Variants in ABR observed in about 807,000 individuals in gnomAD.
ABR encodes the protein ABR activator of RhoGEF and GTPase, also known as active breakpoint cluster region-related protein.
ABR carries 35 observed loss-of-function variants against 107.2 expected under a neutral mutation model. The observed-to-expected ratio is 0.33, with a 90% CI of 0.25 to 0.43. The LOEUF is 0.43. Among genes scored for constraint, ABR ranks in the 20% least tolerant of loss-of-function variants. The probability of loss-of-function intolerance (pLI) is 1.00; values close to 1 mark genes in which losing one functional copy is unlikely to be tolerated. For synonymous variants in ABR, 498 were observed against 462.0 expected (o/e 1.08, Z -1.00); for missense variants, 815 against 1,115.2 (o/e 0.73, Z 3.83).
chr17:1,066,748 C>T (rs770408849), intron 10 of ABR, among the ~76,000 whole-genome samples: 18 of 152,044 alleles, frequency 1.2e-4, no homozygotes, highest in Non-Finnish European at 2.1e-4. Context: ...AGGCTGGTCT[C>T]GAACTCCTGG....
At chr17:1,178,830 GCA>G (rs2042010499) in intron 1 of ABR, among the ~76,000 whole-genome samples, 1 of 147,894 alleles carries the variant, frequency 6.8e-6, no homozygotes. Flanking sequence ...TGCCTTTCTA[GCA>G]ACGGAGCAGG....
intron 1 of ABR, among the ~76,000 whole-genome samples, chr17:1,139,639 G>A (rs1184021327): frequency 2.6e-5 from 4 of 151,688 alleles, no homozygotes; most frequent in Non-Finnish European, 5.9e-5. Context: ...TTCTGCCTCC[G>A]TACCATTATG....
chr17:1,144,226 G>T (rs886647012), intron 1 of ABR, among the ~76,000 whole-genome samples: 1 of 152,162 alleles, frequency 6.6e-6, no homozygotes, highest in African/African-American at 2.4e-5. Flanking sequence ...CAGACGGGCC[G>T]TATAACCTTG....
At chr17:1,186,814 C>T (rs1352432644) in exon 1 of ABR, 1 of 152,372 alleles carries the variant, frequency 6.6e-6, no homozygotes, top group Non-Finnish European at 1.5e-5. Context: ...AAGTCCCCAT[C>T]AGCATTCAGA....
At position 1,069,782 on chromosome 17, in the gene ABR, AC is replaced by A. The variant is rs2035065322; in HGVS notation, c.1016+186del. ...ACACACTCACCCCGCAGAGGTCAGG[AC>A]CCCCTCCCCCGCCCCTGGACTCACA... On this transcript the variant is annotated intron_variant, in intron 9 of 22. Transcript: ENST00000302538. Among the ~76,000 whole-genome samples, 3 of 52,088 alleles carry A rather than the reference AC, an allele frequency of 5.8e-5. No individual in the cohort carries two copies. In the Admixed American group the frequency reaches 7.5e-4, roughly 13 times the overall value. The allele number at this position is 52,088 out of a possible 152,430, so 34.2% of individuals were successfully genotyped here.
chr17:1,032,608 CCG>C (rs1567616521), intron 16 of ABR, among the ~76,000 whole-genome samples: 2 of 88,494 alleles, frequency 2.3e-5, no homozygotes, highest in Non-Finnish European at 5.4e-5. Context: ...CCACCCGCGT[CCG>C]TGCTGGGCGC....
chr17:1,229,484 C>T (rs2043295165), exon 1 of ABR, among the ~76,000 whole-genome samples: 1 of 151,958 alleles, frequency 6.6e-6, no homozygotes, highest in South Asian at 2.1e-4. Flanking sequence ...GCTCCTCCGC[C>T]AGCACCTGTT....
At chr17:1,184,873 C>T (rs984468520), upstream of ABR, 1 of 152,122 alleles carries the variant, frequency 6.6e-6, no homozygotes, top group East Asian at 1.9e-4. Context: ...ATCTGCTTTA[C>T]GTAGGTTATT....
At position 1,056,104 on chromosome 17, in the gene ABR, C is replaced by T. The variant is rs1172696767; in HGVS notation, c.1492G>A (p.Glu498Lys). 2 of 1,614,070 alleles carry T rather than the reference C, an allele frequency of 1.2e-6. No homozygotes were observed. Among genetic ancestry groups the T allele is most frequent in the Non-Finnish European group, 1.7e-6 (2 of 1,179,918 alleles). ...AGGAAGCCATAGAGTCCTGGAGACT[C>T]ATCGTCTGCAAGAGAGAAAAGCCCC... ...IPVTSNKDDD[E>K]SPGLYGFLHV... Residue 498 changes from glutamate (E) to lysine (K), a missense_variant, in exon 14 of 23, where the codon GAG becomes AAG. By Grantham distance (56) the Glu-to-Lys change is moderately conservative. Around this residue, in one of 5 missense-constraint regions of ABR, gnomAD observed 385 missense variants for 596.9 expected, o/e 0.64. Transcript: ENST00000302538.
At chr17:1,127,302 G>T (rs866868055) in intron 1 of ABR, among the ~76,000 whole-genome samples, 1 of 152,106 alleles carries the variant, frequency 6.6e-6, no homozygotes, top group Non-Finnish European at 1.5e-5. Flanking sequence ...TCACTGAGAC[G>T]CGTGTACGCC....
rs1307773239 is a variant in ABR, at chr17:1,005,970, G to T, written c.*110C>A. 1 of 1,024,578 alleles carries T rather than the reference G, an allele frequency of 9.8e-7. No individual in the cohort carries two copies. The highest frequency in any genetic ancestry group is 1.5e-6 in the Non-Finnish European group (1 of 675,394). The allele number at this position is 1,024,578 out of a possible 1,614,324, so 63.5% of individuals were successfully genotyped here. A position where few individuals can be genotyped will look rare whatever the true frequency, so the allele number is the denominator to read the frequency against. On this transcript the variant is annotated 3_prime_UTR_variant, in exon 23 of 23. Coordinates refer to ENST00000302538, the MANE Select transcript of ABR (RefSeq NM_021962.5). ...GTTCTTGGAAGCTGGCTTCCCTCGA[G>T]TCTGGAGTGCTGGGTTTGGGAGTTT...
At position 1,210,164 on chromosome 17, in the gene ABR, T is replaced by G. The variant is rs757258852; in HGVS notation, c.838+18629A>C. Among the ~76,000 whole-genome samples the G allele has an allele frequency of 6.6e-6, 1 of 152,194 alleles. No homozygotes were observed. Among genetic ancestry groups the G allele is most frequent in the Non-Finnish European group, 1.5e-5 (1 of 68,038 alleles). On this transcript the variant is annotated intron_variant, in intron 1 of 22. Transcript: ENST00000574139. The surrounding 1 kb of genome is among the most constrained non-coding windows in gnomAD (Gnocchi z 5.6). ...TAACAGAATCTAGAGAGGCGGAAGC[T>G]CAGCCCAGCTGTGTTGGTACTGTGG...
intron 1 of ABR, among the ~76,000 whole-genome samples, chr17:1,152,460 G>A (rs1208767489): frequency 2.0e-5 from 3 of 150,628 alleles, no homozygotes; most frequent in Admixed American, 6.6e-5. Context: ...GCGTGGTGGT[G>A]CGTGCCTGTA....
chr17:1,008,906 G>A (rs1252627850), intron 21 of ABR, among the ~76,000 whole-genome samples: 1 of 152,206 alleles, frequency 6.6e-6, no homozygotes. Flanking sequence ...AAGGGTGGTG[G>A]GAAGGCAAGA....
In ABR at chr17:1,179,578, G is replaced by T; in HGVS notation, c.61+89C>A. On this transcript the variant is annotated intron_variant, in intron 1 of 22. Transcript: ENST00000302538. This position sits in a 1 kb window ranked among gnomAD's most constrained non-coding sequence, Gnocchi z 4.9. ...GTGCCTGGGTCCCGATCCCGATCTT[G>T]GGGTCCCGATCCCGATCCTGGGGTC... The T allele has an allele frequency of 7.6e-7, 1 of 1,314,812 alleles. No homozygotes were observed. The allele number at this position is 1,314,812 out of a possible 1,614,324, so 81.4% of individuals were successfully genotyped here.
chr17:1,147,622 A>G (rs1023470228), intron 1 of ABR, among the ~76,000 whole-genome samples: 2 of 151,948 alleles, frequency 1.3e-5, no homozygotes, highest in African/African-American at 2.4e-5. Context: ...CAGCCTCCCA[A>G]AGTGCCGGGA....
rs2040958336 is a variant in ABR at position 1,154,448 on chromosome 17, C to G, written c.61+25219G>C. 6.6e-6 allele frequency: 1 copy of G among 152,582 alleles called. No individual in the cohort carries two copies. The highest frequency in any genetic ancestry group is 2.4e-5 in the African/African-American group (1 of 41,430). 9.5% of individuals were successfully genotyped at this position (152,582 alleles called of 1,614,324 possible). A position where few individuals can be genotyped will look rare whatever the true frequency, so the allele number is the denominator to read the frequency against. ...AGTGCTCATAAAGCCCAGAATCCTC[C>G]TGCAAACCAAAATATCTCCATGGTG... On this transcript the variant is annotated intron_variant, in intron 1 of 22. Transcript: ENST00000302538. This position sits in a 1 kb window ranked among gnomAD's most constrained non-coding sequence, Gnocchi z 4.0.
chr17:1,109,144 G>A (rs2038482580), intron 2 of ABR: 15 of 1,491,310 alleles, frequency 1.0e-5, no homozygotes, highest in Non-Finnish European at 1.3e-5. Context: ...GGAGGGAGGA[G>A]GCGGGCGGGA....
chr17:1,025,286 A>T (rs1567600232), intron 16 of ABR, among the ~76,000 whole-genome samples: 1 of 152,104 alleles, frequency 6.6e-6, no homozygotes, highest in Non-Finnish European at 1.5e-5. Flanking sequence ...ACACAGCAAG[A>T]CTCTGTCTCA....
Sources: gnomAD v4.1 joint callset for allele counts (sites outside exome capture counted in the v4.1 genomes callset) on GRCh38, gnomAD v4.1.1 for gene constraint, gnomAD v4.1.1 regional missense constraint, Gnocchi (gnomAD v3.1) non-coding constraint, MANE v1.5 for transcripts, NCBI Gene and HGNC (gene_info 2026-07-23, HGNC 2026-07-21) for gene names.